RRAS: variants seen among roughly 807,000 people sequenced by gnomAD.
The protein encoded by RRAS is ras-related protein R-Ras.
Under a neutral mutation model 23.3 loss-of-function variants are expected in RRAS, and 18 were observed. The observed-to-expected ratio is 0.77, with a 90% confidence interval of 0.53 to 1.15. RRAS has a LOEUF of 1.15. RRAS is among the 50% of genes most tolerant of loss of function. The pLI, the probability that RRAS is intolerant of heterozygous loss-of-function variation, is 0.00. For missense variants in RRAS, 291 were observed against 317.1 expected (o/e 0.92, Z 0.62); for synonymous variants, 133 against 138.3 (o/e 0.96, Z 0.27).
chr19:49,637,218 C>T (rs2081001127), intron 1 of RRAS, 88 bp from the exon 2 acceptor site: 1 of 929,712 alleles, frequency 1.1e-6, no homozygotes, highest in Non-Finnish European at 1.7e-6. Context: ...CAGTCTCTGT[C>T]CCTCTCTCTC....
Position 49,636,516 on chromosome 19 carries a change from C to T in RRAS, c.453+103G>A, listed in dbSNP as rs565545701. The T allele has an allele frequency of 1.6e-5, 14 of 860,210 alleles. No homozygotes were observed. Among genetic ancestry groups the T allele is most frequent in the East Asian group, 5.0e-5 (2 of 40,372 alleles). 53.3% of individuals were successfully genotyped at this position (860,210 alleles called of 1,614,324 possible). A position where few individuals can be genotyped will look rare whatever the true frequency, so the allele number is the denominator to read the frequency against. On this transcript the variant is annotated intron_variant, in intron 4 of 5. Transcript: ENST00000246792. This position sits in a 1 kb window ranked among gnomAD's most constrained non-coding sequence, Gnocchi z 4.5. Reference sequence around the variant, plus strand: ...AGGTGAGCTGTGTGACAGTGGCAGTCGCAGCACTGCAGGAACAGAGGAGGA... The same window carrying T: ...AGGTGAGCTGTGTGACAGTGGCAGTTGCAGCACTGCAGGAACAGAGGAGGA...
At position 49,639,932 on chromosome 19, in the gene RRAS, T is replaced by C; in HGVS notation, c.153+14A>G. 6.3e-7 allele frequency: 1 copy of C among 1,578,334 alleles called. No individual in the cohort carries two copies. The highest frequency in any genetic ancestry group is 8.6e-7 in the Non-Finnish European group (1 of 1,168,614). ...GGGTCCCGGGGGACACCCTCCCGGG[T>C]GAGGGCCCACTACCTGGATGAACTG... On this transcript the variant is annotated intron_variant, in intron 1 of 5. Coordinates refer to ENST00000246792, the MANE Select transcript of RRAS (RefSeq NM_006270.5).
At chr19:49,638,948 C>G (rs994613630) in intron 1 of RRAS, among the ~76,000 whole-genome samples, 3 of 151,472 alleles carry the variant, frequency 2.0e-5, no homozygotes, top group Non-Finnish European at 4.4e-5. Context: ...GTTTGGGCCT[C>G]CGGGAATGGG....
chr19:49,635,700 G>C, intron 5 of RRAS, 34 bp downstream of exon 5: 1 of 1,536,290 alleles, frequency 6.5e-7, no homozygotes, highest in East Asian at 2.4e-5. Context: ...GGAAGGGCTG[G>C]GGACAAGGAC....
In RRAS at chr19:49,635,322, GGGAGGGGAGTTATATACAGCA is replaced by G. The variant is rs1040180729; in HGVS notation, c.*233_*253del. ...TTGGCAGTGACATTTATTTTTCTGG[GGGAGGGGAGTTATATACAGCA>G]GTGACCCGGAGCCCCTCACCCCCAC... On this transcript the variant is annotated 3_prime_UTR_variant, in exon 6 of 6. Transcript: ENST00000246792. 108 of 330,206 alleles carry G rather than the reference GGGAGGGGAGTTATATACAGCA, an allele frequency of 3.3e-4. No homozygotes were observed. Among genetic ancestry groups the G allele is most frequent in the African/African-American group, 2.2e-3 (104 of 47,202 alleles). The allele number at this position is 330,206 out of a possible 1,614,324, so 20.5% of individuals were successfully genotyped here.
chr19:49,638,386 C>T (rs1568437756), intron 1 of RRAS, among the ~76,000 whole-genome samples: 1 of 152,180 alleles, frequency 6.6e-6, no homozygotes, highest in Non-Finnish European at 1.5e-5. Flanking sequence ...GCCCCGGGGC[C>T]TCTGCGGTAG....
At chr19:49,639,536 G>A (rs976903156) in intron 1 of RRAS, among the ~76,000 whole-genome samples, 1 of 152,112 alleles carries the variant, frequency 6.6e-6, no homozygotes, top group Non-Finnish European at 1.5e-5. Context: ...TGGCTTAGAG[G>A]GGAAGTTGGG....
chr19:49,635,662 T>G lies in RRAS; in HGVS notation c.573-2A>C, dbSNP rs112717951. 6.8e-7 allele frequency: 1 copy of G among 1,469,726 alleles called. No individual in the cohort carries two copies. Among genetic ancestry groups the G allele is most frequent in the Non-Finnish European group, 9.1e-7 (1 of 1,096,732 alleles). The allele number at this position is 1,469,726 out of a possible 1,614,324, so 91.0% of individuals were successfully genotyped here. Reference sequence around the variant, plus strand: ...GGGAGCTCTTGTTCCTGGTATTTCCTGTGGGAAAACGCCAGTGAGTTTGGA... The same window carrying G: ...GGGAGCTCTTGTTCCTGGTATTTCCGGTGGGAAAACGCCAGTGAGTTTGGA... On this transcript the variant is annotated splice_acceptor_variant, in intron 5 of 5. Transcript: ENST00000246792. LOFTEE classifies it high-confidence loss of function.
At chr19:49,637,971 G>A (rs1438302176) in intron 1 of RRAS, among the ~76,000 whole-genome samples, 1 of 152,170 alleles carries the variant, frequency 6.6e-6, no homozygotes, top group East Asian at 1.9e-4. Flanking sequence ...GCACTGGCAA[G>A]ATTCGGAGCA....
chr19:49,636,763 C>A lies in RRAS; in HGVS notation c.345-36G>T. On this transcript the variant is annotated intron_variant, in intron 3 of 5. Transcript: ENST00000246792. This position sits in a 1 kb window ranked among gnomAD's most constrained non-coding sequence, Gnocchi z 4.5. Reference sequence around the variant, plus strand: ...AGCCGGAGGCATGAGGTCCAGCCAGCTGCAGAGCCCAGGTCCTCCCCACAC... The same window carrying A: ...AGCCGGAGGCATGAGGTCCAGCCAGATGCAGAGCCCAGGTCCTCCCCACAC... 6.2e-7 allele frequency: 1 copy of A among 1,609,798 alleles called. No homozygotes were observed. The highest frequency in any genetic ancestry group is 1.7e-5 in the Admixed American group (1 of 60,020).
chr19:49,635,374 T>G lies in RRAS; in HGVS notation c.*202A>C. On this transcript the variant is annotated 3_prime_UTR_variant, in exon 6 of 6. Transcript: ENST00000246792. ...CCGGAGCCCCTCACCCCCACCAGGC[T>G]TAGGTGGGGACAGGAGGCGTTGGCA... is the stretch of plus-strand genomic sequence containing the variant. 1 of 388,976 alleles carries G rather than the reference T, an allele frequency of 2.6e-6. No homozygotes were observed. The highest frequency in any genetic ancestry group is 4.6e-6 in the Non-Finnish European group (1 of 219,594). 24.1% of individuals were successfully genotyped at this position (388,976 alleles called of 1,614,324 possible).
In RRAS at chr19:49,635,859, G is replaced by GGGT; in HGVS notation, c.454-8_454-7insACC. On this transcript the variant is annotated splice_polypyrimidine_tract_variant and splice_region_variant and intron_variant, in intron 4 of 5. Transcript: ENST00000246792. Reference sequence around the variant, plus strand: ...AGGCTTCTGATCGGGGGACCTGGGGGTAGGGGGGACACGGGGGAGTCAGGT... The same window carrying GGGT: ...AGGCTTCTGATCGGGGGACCTGGGGGGGTTAGGGGGGACACGGGGGAGTCAGGT... The GGGT allele has an allele frequency of 9.4e-7, 1 of 1,066,396 alleles. No individual in the cohort carries two copies. Among genetic ancestry groups the GGGT allele is most frequent in the African/African-American group, 1.6e-5 (1 of 63,784 alleles). 66.1% of individuals were successfully genotyped at this position (1,066,396 alleles called of 1,614,324 possible). A position where few individuals can be genotyped will look rare whatever the true frequency, so the allele number is the denominator to read the frequency against.
chr19:49,638,447 T>A (rs2122424575), intron 1 of RRAS, among the ~76,000 whole-genome samples: 1 of 152,136 alleles, frequency 6.6e-6, no homozygotes, highest in African/African-American at 2.4e-5. Flanking sequence ...TGGGAGGACC[T>A]CCCTCAGGAA....
Position 49,636,896 on chromosome 19 carries a change from C to T in RRAS, c.272G>A (p.Gly91Glu). ...ACGCATGTACTGCTCTCTCATGGCCCCGAACTCTTCCTGGCCCGCGGTGTC... is the reference window on the plus strand; with the variant it reads ...ACGCATGTACTGCTCTCTCATGGCCTCGAACTCTTCCTGGCCCGCGGTGTC... ...ILDTAGQEEF[G>E]AMREQYMRAG... Residue 91 changes from glycine (G) to glutamate (E), a missense_variant, in exon 3 of 6, where the codon GGG becomes GAG. Physicochemically the swap from Gly to Glu is moderately conservative, Grantham distance 98 (BLOSUM62 -2). Transcript: ENST00000246792. This position sits in a 1 kb window ranked among gnomAD's most constrained non-coding sequence, Gnocchi z 4.5. The T allele has an allele frequency of 6.2e-7, 1 of 1,613,472 alleles. No individual in the cohort carries two copies. Among genetic ancestry groups the T allele is most frequent in the Non-Finnish European group, 8.5e-7 (1 of 1,180,026 alleles).
Position 49,636,997 on chromosome 19 carries a change from C to T in RRAS, c.241+46G>A. The T allele has an allele frequency of 6.2e-7, 1 of 1,607,070 alleles. No individual in the cohort carries two copies. Among genetic ancestry groups the T allele is most frequent in the Non-Finnish European group, 8.5e-7 (1 of 1,174,488 alleles). On this transcript the variant is annotated intron_variant, in intron 2 of 5. Coordinates refer to ENST00000246792, the MANE Select transcript of RRAS (RefSeq NM_006270.5). This position sits in a 1 kb window ranked among gnomAD's most constrained non-coding sequence, Gnocchi z 4.5. ...CAGTCACCCCCAAGAGCCCTCAGCC[C>T]CCACTGACACCACCCCCATCCATCA...
At chr19:49,637,019 ATC>A (rs1290335796) in intron 2 of RRAS, 22 bp downstream of exon 2, 1 of 1,608,570 alleles carries the variant, frequency 6.2e-7, no homozygotes, top group Admixed American at 1.7e-5. Context: ...ACCCCCATCC[ATC>A]ATCCATCCTT....
At chr19:49,639,892 C>A in intron 1 of RRAS, 54 bp downstream of exon 1, 1 of 1,493,382 alleles carries the variant, frequency 6.7e-7, no homozygotes, top group Non-Finnish European at 9.0e-7. Context: ...GGGATCCCCC[C>A]AAGGGCTCAG....
intron 1 of RRAS, among the ~76,000 whole-genome samples, chr19:49,638,948 C>A (rs994613630): frequency 6.6e-6 from 1 of 151,472 alleles, no homozygotes; most frequent in African/African-American, 2.4e-5. Flanking sequence ...GTTTGGGCCT[C>A]CGGGAATGGG....
Position 49,636,480 on chromosome 19 carries a change from G to T in RRAS, c.453+139C>A. 1.4e-6 allele frequency: 1 copy of T among 698,774 alleles called. No homozygotes were observed. The highest frequency in any genetic ancestry group is 1.6e-5 in the South Asian group (1 of 62,306). 43.3% of individuals were successfully genotyped at this position (698,774 alleles called of 1,614,324 possible). A position where few individuals can be genotyped will look rare whatever the true frequency, so the allele number is the denominator to read the frequency against. On this transcript the variant is annotated intron_variant, in intron 4 of 5. Coordinates refer to ENST00000246792, the MANE Select transcript of RRAS (RefSeq NM_006270.5). The surrounding 1 kb of genome is among the most constrained non-coding windows in gnomAD (Gnocchi z 4.5). ...GGGACCCTGAAGGTCCAGTTTGGGG[G>T]TAACCCATCTAGGTGAGCTGTGTGA...
Sources: allele counts gnomAD v4.1 joint callset (sites outside exome capture counted in the v4.1 genomes callset), GRCh38; gene constraint gnomAD v4.1.1; non-coding constraint Gnocchi (gnomAD v3.1); transcripts MANE v1.5; gene names NCBI Gene and HGNC (gene_info 2026-07-23, HGNC 2026-07-21).